The following DGCR8 variants were observed in gnomAD, a reference collection of about 807,000 sequenced individuals.
DGCR8 encodes DGCR8 microprocessor complex subunit.
Under a neutral mutation model 78.5 loss-of-function variants are expected in DGCR8, and 14 were observed. The ratio of observed to expected loss-of-function variants is 0.18; its 90% CI spans 0.12 to 0.28. The LOEUF (loss-of-function observed/expected upper bound fraction) is 0.28. Ranked by LOEUF, DGCR8 falls within the 10% of genes least tolerant of loss-of-function variation. The pLI, the probability that DGCR8 is intolerant of heterozygous loss-of-function variation, is 1.00. For missense variants in DGCR8, 702 were observed against 1,022.5 expected (o/e 0.69, Z 4.28); for synonymous variants, 399 against 402.4 (o/e 0.99, Z 0.10).
At chr22:20,106,403 C>A in intron 10 of DGCR8, 126 bp downstream of exon 10, 2 of 891,294 alleles carry the variant, frequency 2.2e-6, no homozygotes, top group Non-Finnish European at 3.5e-6. Context: ...ACACAGCAGC[C>A]CCTTGGCCCT....
At chr22:20,109,400 T>C (rs2147944261) in intron 13 of DGCR8, among the ~76,000 whole-genome samples, 1 of 152,264 alleles carries the variant, frequency 6.6e-6, no homozygotes, top group South Asian at 2.1e-4. Context: ...CCTGTCAGGC[T>C]GGCAGTGGTG....
At chr22:20,106,484 TG>T in intron 10 of DGCR8, 107 bp from the exon 11 acceptor site, 1 of 898,140 alleles carries the variant, frequency 1.1e-6, no homozygotes. Context: ...AGATGCAGTC[TG>T]GGGAGAGGCT....
Position 20,101,656 on chromosome 22 carries a change from C to T in DGCR8, c.1789-4521C>T, listed in dbSNP as rs2049703462. On this transcript the variant is annotated intron_variant, in intron 9 of 13. Transcript: ENST00000351989. The stretch of plus-strand genomic sequence containing the variant: ...TCAGAGGGGAAAGTAGCTTTTCCCT[C>T]CGTTGTAGGGTGGTGGGGGTGTTTA... The T allele has an allele frequency of 1.2e-5, 12 of 985,242 alleles. No individual in the cohort carries two copies. In the South Asian group the frequency reaches 4.7e-4, roughly 39 times the overall value. The allele number at this position is 985,242 out of a possible 1,614,324, so 61.0% of individuals were successfully genotyped here. A position where few individuals can be genotyped will look rare whatever the true frequency, so the allele number is the denominator to read the frequency against.
In DGCR8 at chr22:20,106,698, T is replaced by C. The variant is rs759448278; in HGVS notation, c.1996T>C (p.Cys666Arg). 2 of 1,609,966 alleles carry C rather than the reference T, an allele frequency of 1.2e-6. No individual in the cohort carries two copies. The highest frequency in any genetic ancestry group is 8.5e-7 in the Non-Finnish European group (1 of 1,176,274). Residue 666 changes from cysteine to arginine, a missense_variant and splice_region_variant, in exon 11 of 14, where the codon TGT (cysteine) becomes CGT (arginine). Around this residue, in one of 4 missense-constraint regions of DGCR8, gnomAD observed 225 missense variants for 427.7 expected, o/e 0.53. Transcript: ENST00000351989. ...TGGCAAGCACACAGTGCGCGGGTGGTGTAAGGACTCCTTCTCTGCTGCCTG... is the reference window on the plus strand; with the variant it reads ...TGGCAAGCACACAGTGCGCGGGTGGCGTAAGGACTCCTTCTCTGCTGCCTG... ...ACGKHTVRGW[C>R]KNKRVGKQLA...
chr22:20,103,155 T>G (rs924452580), intron 9 of DGCR8, among the ~76,000 whole-genome samples: 1 of 148,736 alleles, frequency 6.7e-6, no homozygotes, highest in African/African-American at 2.4e-5. Context: ...AAAAAAAAAA[T>G]CTGCCTGCAT....
chr22:20,088,219 G>T lies in DGCR8; in HGVS notation c.880+898G>T, dbSNP rs190352040. Among the ~76,000 whole-genome samples, 86 of 152,308 alleles carry T rather than the reference G, an allele frequency of 5.6e-4. 1 individual carries two copies. Among genetic ancestry groups the T allele is most frequent in the Non-Finnish European group, 8.8e-5 (6 of 68,008 alleles). ...CGTGTTGGTAGCAGTTAAGCAGGAG[G>T]GCTTTTGGTCTAGACGGTTGCAGGC... On this transcript the variant is annotated intron_variant, in intron 3 of 13. Transcript: ENST00000351989.
intron 8 of DGCR8, among the ~76,000 whole-genome samples, chr22:20,093,506 ACTGGG>A (rs1488369983): frequency 6.6e-6 from 1 of 152,160 alleles, no homozygotes; most frequent in Non-Finnish European, 1.5e-5. Context: ...CCTAGAGCCA[ACTGGG>A]CTGTGCTGGG....
intron 12 of DGCR8, 89 bp from the exon 13 acceptor site, chr22:20,108,801 T>TG: frequency 3.5e-6 from 3 of 851,718 alleles, no homozygotes; most frequent in Non-Finnish European, 6.1e-6. Flanking sequence ...GCGCCTGCCT[T>TG]CAGGGTCCCA....
intron 10 of DGCR8, 151 bp downstream of exon 10, chr22:20,106,428 C>A: frequency 1.2e-6 from 1 of 812,144 alleles, no homozygotes; most frequent in Non-Finnish European, 2.0e-6. Context: ...ACCAGTCAGT[C>A]CCACAGGCCT....
intron 1 of DGCR8, chr22:20,084,979 CCT>C (rs2049462859): frequency 1.0e-6 from 1 of 985,250 alleles, no homozygotes; most frequent in African/African-American, 1.7e-5. Flanking sequence ...GGCACCCAGG[CCT>C]CTCTGTGCCT....
At chr22:20,091,830 A>C (rs1249677400) in intron 6 of DGCR8, 39 bp from the exon 7 acceptor site, 13 of 1,590,984 alleles carry the variant, frequency 8.2e-6, no homozygotes, top group African/African-American at 1.3e-5. Context: ...AGCTTGTGGC[A>C]CTGCTTCACA....
chr22:20,088,896 C>T (rs1001657229), intron 3 of DGCR8, among the ~76,000 whole-genome samples: 1 of 152,158 alleles, frequency 6.6e-6, no homozygotes. Flanking sequence ...GATCCTCCCA[C>T]CTCAGCTTCC....
At chr22:20,099,587 A>C (rs1372303425) in intron 9 of DGCR8, among the ~76,000 whole-genome samples, 1 of 152,242 alleles carries the variant, frequency 6.6e-6, no homozygotes, top group African/African-American at 2.4e-5. Flanking sequence ...GTTCTTAGCA[A>C]GACTCGTTGT....
chr22:20,095,777 A>G (rs2049621931), intron 9 of DGCR8, among the ~76,000 whole-genome samples: 1 of 152,058 alleles, frequency 6.6e-6, no homozygotes, highest in Non-Finnish European at 1.5e-5. Context: ...TCACTATACA[A>G]CTCACCATAA....
chr22:20,101,907 C>G lies in DGCR8; in HGVS notation c.1789-4270C>G, dbSNP rs926120541. ...ACATGTCAGGAGGGGCGGGTTGATGCCTGTGAGGTGTGGTGGCCACGCGTG... is the reference window on the plus strand; with the variant it reads ...ACATGTCAGGAGGGGCGGGTTGATGGCTGTGAGGTGTGGTGGCCACGCGTG... On this transcript the variant is annotated intron_variant, in intron 9 of 13. Transcript: ENST00000351989. 7.1e-6 allele frequency: 7 copies of G among 985,138 alleles called. No homozygotes were observed. In the African/African-American group the frequency reaches 1.2e-4, roughly 17 times the overall value. 61.0% of individuals were successfully genotyped at this position (985,138 alleles called of 1,614,324 possible).
At chr22:20,104,554 C>T (rs2049747795) in intron 9 of DGCR8, among the ~76,000 whole-genome samples, 1 of 152,150 alleles carries the variant, frequency 6.6e-6, no homozygotes, top group South Asian at 2.1e-4. Context: ...GGGCCAGTCC[C>T]GAAGCCGTGG....
In DGCR8 at chr22:20,089,837, T is replaced by A; in HGVS notation, c.1023+26T>A. 6.2e-7 allele frequency: 1 copy of A among 1,611,748 alleles called. No individual in the cohort carries two copies. Among genetic ancestry groups the A allele is most frequent in the Admixed American group, 1.7e-5 (1 of 59,678 alleles). On this transcript the variant is annotated intron_variant, in intron 4 of 13. Coordinates refer to ENST00000351989, the MANE Select transcript of DGCR8 (RefSeq NM_022720.7). The surrounding 1 kb of genome is among the most constrained non-coding windows in gnomAD (Gnocchi z 4.9). ...GTAGGGGAGGCATCAGTCGTGACTT[T>A]AGGCTTGTAAGTTCTCAGACCAAAA...
In DGCR8 at chr22:20,111,717, CCCCCCA is replaced by C. The variant is rs1364968857; in HGVS notation, c.*1613_*1618del. The C allele has an allele frequency of 3.3e-4, 63 of 192,546 alleles. No homozygotes were observed. In the Middle Eastern group the frequency reaches 3.4e-3, roughly 10 times the overall value. 11.9% of individuals were successfully genotyped at this position (192,546 alleles called of 1,614,324 possible). ...TGTGGTCTCTGTGCGCCCCCCCCCC[CCCCCCA>C]CCCGTCTGCCAAGCATGGGTATGAA... On this transcript the variant is annotated 3_prime_UTR_variant, in exon 14 of 14. Coordinates refer to ENST00000351989, the MANE Select transcript of DGCR8 (RefSeq NM_022720.7).
chr22:20,091,746 A>T, intron 6 of DGCR8, 114 bp downstream of exon 6: 1 of 1,495,536 alleles, frequency 6.7e-7, no homozygotes, highest in Admixed American at 1.7e-5. Flanking sequence ...TGTTTATCCC[A>T]TGAATGCAGG....
Sources: gnomAD v4.1 joint callset for allele counts (sites outside exome capture counted in the v4.1 genomes callset) on GRCh38, gnomAD v4.1.1 for gene constraint, gnomAD v4.1.1 regional missense constraint, Gnocchi (gnomAD v3.1) non-coding constraint, MANE v1.5 for transcripts, NCBI Gene and HGNC (gene_info 2026-07-23, HGNC 2026-07-21) for gene names.